FZD10: variants seen among roughly 807,000 people sequenced by gnomAD.
FZD10 encodes frizzled-10.
FZD10 carries 14 observed loss-of-function variants against 24.4 expected under a neutral mutation model. The observed-to-expected ratio is 0.57, with a 90% confidence interval of 0.38 to 0.90. The LOEUF (loss-of-function observed/expected upper bound fraction) is 0.90, where lower values mean the gene tolerates loss of function less well. Among genes scored for constraint, FZD10 ranks in the 40% least tolerant of loss-of-function variants. FZD10 has a pLI of 0.00. For missense variants in FZD10, 775 were observed against 816.6 expected (o/e 0.95, Z 0.62); for synonymous variants, 381 against 349.1 (o/e 1.09, Z -1.02).
Position 130,162,480 on chromosome 12 carries a change from G to A in FZD10, c.-463G>A, listed in dbSNP as rs527276849. 423 of 151,714 alleles carry A rather than the reference G, an allele frequency of 2.8e-3. 2 individuals carry two copies. The highest frequency in any genetic ancestry group is 9.8e-3 in the African/African-American group (405 of 41,414). The allele number at this position is 151,714 out of a possible 1,614,324, so 9.4% of individuals were successfully genotyped here. A position where few individuals can be genotyped will look rare whatever the true frequency, so the allele number is the denominator to read the frequency against. ...TTTGCGAGTCTTCTCATCCCGGGAC[G>A]CAAACCTCGAAACAGCTGCCGGCTG... On this transcript the variant is annotated 5_prime_UTR_variant, in exon 1 of 1. Transcript: ENST00000229030.
rs765214577 is a variant in FZD10 at position 130,163,629 on chromosome 12, C to G, written c.687C>G (p.Val229=). Residue 229 remains valine (V), a synonymous_variant, in exon 1 of 1, where the codon GTC becomes GTG. Transcript: ENST00000229030. Reference sequence around the variant, plus strand: ...GCGAGGACAAGCGCTTCGCAGTGGTCTGGCTGGCCATCTGGGCGGTGCTGT... The same window carrying G: ...GCGAGGACAAGCGCTTCGCAGTGGTGTGGCTGGCCATCTGGGCGGTGCTGT... ...WSREDKRFAV[V]WLAIWAVLCF... The G allele has an allele frequency of 6.4e-5, 103 of 1,612,898 alleles. No individual in the cohort carries two copies. Among genetic ancestry groups the G allele is most frequent in the Non-Finnish European group, 8.5e-5 (100 of 1,180,024 alleles).
At position 130,163,837 on chromosome 12, in the gene FZD10, G is replaced by C. The variant is rs182325743; in HGVS notation, c.895G>C (p.Val299Leu). The C allele has an allele frequency of 2.5e-6, 4 of 1,613,854 alleles. No individual in the cohort carries two copies. The highest frequency in any genetic ancestry group is 3.4e-6 in the Non-Finnish European group (4 of 1,180,052). The change falls in exon 1 of 1, where the codon GTC (valine) becomes CTC (leucine). Residue 299 changes from valine (V) to leucine (L), a missense_variant. Val to Leu is a conservative substitution (Grantham distance 32). Transcript: ENST00000229030. ...ACDRDSGQLY[V>L]IQEGLESTGC... is the part of the protein sequence containing the mutation. ...CGACCGGGACAGCGGCCAGCTCTAT[G>C]TCATCCAGGAGGGACTGGAGAGCAC...
Position 130,163,846 on chromosome 12 carries a change from G to A in FZD10, c.904G>A (p.Glu302Lys). 1.2e-6 allele frequency: 2 copies of A among 1,613,968 alleles called. No individual in the cohort carries two copies. Among genetic ancestry groups the A allele is most frequent in the South Asian group, 2.2e-5 (2 of 91,086 alleles). Residue 302 changes from glutamate (E) to lysine (K), a missense_variant, in exon 1 of 1, where the codon GAG becomes AAG. Transcript: ENST00000229030. The part of the protein sequence containing the change: ...RDSGQLYVIQ[E>K]GLESTGCTLV... Reference sequence around the variant, plus strand: ...CAGCGGCCAGCTCTATGTCATCCAGGAGGGACTGGAGAGCACCGGCTGCAC... The same window carrying A: ...CAGCGGCCAGCTCTATGTCATCCAGAAGGGACTGGAGAGCACCGGCTGCAC...
Position 130,162,962 on chromosome 12 carries a change from G to A in FZD10, c.20G>A (p.Arg7His), listed in dbSNP as rs1047844421. The A allele has an allele frequency of 1.3e-6, 2 of 1,546,458 alleles. No homozygotes were observed. Among genetic ancestry groups the A allele is most frequent in the African/African-American group, 2.7e-5 (2 of 73,328 alleles). The part of the protein sequence containing the change: MQRPGP[R>H]LWLVLQVMGS... Reference sequence around the variant, plus strand: ...GCCAGCATGCAGCGCCCGGGCCCCCGCCTGTGGCTGGTCCTGCAGGTGATG... The same window carrying A: ...GCCAGCATGCAGCGCCCGGGCCCCCACCTGTGGCTGGTCCTGCAGGTGATG... Residue 7 changes from arginine (R) to histidine (H), a missense_variant, in exon 1 of 1, where the codon CGC (arginine) becomes CAC (histidine). Coordinates refer to ENST00000229030, the MANE Select transcript of FZD10 (RefSeq NM_007197.4).
Position 130,163,456 on chromosome 12 carries a change from C to A in FZD10, c.514C>A (p.Gln172Lys). ...CCTGTTCCCGCCGCTGTTCCGGCCG[C>A]AGCGGCCCCACAGCGCGCAGGAGCA... ...SGLFPPLFRP[Q>K]RPHSAQEHPL... The change falls in exon 1 of 1, where the codon CAG (glutamine) becomes AAG (lysine). Residue 172 changes from glutamine (Q) to lysine (K), a missense_variant. By Grantham distance (53) the Gln-to-Lys change is moderately conservative. Coordinates refer to ENST00000229030, the MANE Select transcript of FZD10 (RefSeq NM_007197.4). The A allele has an allele frequency of 6.2e-7, 1 of 1,610,596 alleles. No individual in the cohort carries two copies. Among genetic ancestry groups the A allele is most frequent in the Non-Finnish European group, 8.5e-7 (1 of 1,178,824 alleles).
chr12:130,164,823 C>G lies in FZD10; in HGVS notation c.*135C>G, dbSNP rs1485754709. ...AGAAATACATAAAAAAGTGTTTACCCTGAAATTCAGGATGCTGTGATACAC... is the reference window on the plus strand; with the variant it reads ...AGAAATACATAAAAAAGTGTTTACCGTGAAATTCAGGATGCTGTGATACAC... On this transcript the variant is annotated 3_prime_UTR_variant, in exon 1 of 1. Coordinates refer to ENST00000229030, the MANE Select transcript of FZD10 (RefSeq NM_007197.4). This position sits in a 1 kb window ranked among gnomAD's most constrained non-coding sequence, Gnocchi z 5.3. 1.5e-6 allele frequency: 1 copy of G among 659,262 alleles called. No individual in the cohort carries two copies. Among genetic ancestry groups the G allele is most frequent in the African/African-American group, 1.8e-5 (1 of 54,706 alleles). 40.8% of individuals were successfully genotyped at this position (659,262 alleles called of 1,614,324 possible).
Position 130,164,187 on chromosome 12 carries a change from G to T in FZD10, c.1245G>T (p.Ser415=), listed in dbSNP as rs374589029. 6.2e-7 allele frequency: 1 copy of T among 1,614,096 alleles called. No homozygotes were observed. Among genetic ancestry groups the T allele is most frequent in the East Asian group, 2.2e-5 (1 of 44,860 alleles). The change falls in exon 1 of 1, where the codon TCG becomes TCT. Residue 415 remains serine (S), a synonymous_variant. Transcript: ENST00000229030. The surrounding 1 kb of genome is among the most constrained non-coding windows in gnomAD (Gnocchi z 5.3). ...TCATCGGCACGTCCTTCATCCTCTCGGGCTTCGTGGCCCTGTTCCACATCC... is the reference window on the plus strand; with the variant it reads ...TCATCGGCACGTCCTTCATCCTCTCTGGCTTCGTGGCCCTGTTCCACATCC... ...YLVIGTSFIL[S]GFVALFHIRR...
rs1279682364 is a variant in FZD10 at position 130,165,250 on chromosome 12, A to G, written c.*562A>G. 6.0e-6 allele frequency: 1 copy of G among 167,116 alleles called. No homozygotes were observed. Among genetic ancestry groups the G allele is most frequent in the Non-Finnish European group, 1.5e-5 (1 of 68,146 alleles). 10.4% of individuals were successfully genotyped at this position (167,116 alleles called of 1,614,324 possible). ...CGGCCTTCACCAATAGTCTCTCTGC[A>G]AGACAGAAACCTCCATCAAACCTCA... On this transcript the variant is annotated 3_prime_UTR_variant, in exon 1 of 1. Coordinates refer to ENST00000229030, the MANE Select transcript of FZD10 (RefSeq NM_007197.4).
Position 130,164,166 on chromosome 12 carries a change from C to G in FZD10, c.1224C>G (p.Ile408Met). 2 of 1,614,094 alleles carry G rather than the reference C, an allele frequency of 1.2e-6. No homozygotes were observed. Among genetic ancestry groups the G allele is most frequent in the Non-Finnish European group, 1.7e-6 (2 of 1,180,040 alleles). The stretch of plus-strand genomic sequence containing the variant: ...TTCCCCTGGCCTGCTACCTGGTCAT[C>G]GGCACGTCCTTCATCCTCTCGGGCT... ...VLIPLACYLV[I>M]GTSFILSGFV... The change falls in exon 1 of 1, where the codon ATC becomes ATG. Residue 408 changes from isoleucine to methionine, a missense_variant. Physicochemically the swap from Ile to Met is conservative, Grantham distance 10. Coordinates refer to ENST00000229030, the MANE Select transcript of FZD10 (RefSeq NM_007197.4). The surrounding 1 kb of genome is among the most constrained non-coding windows in gnomAD (Gnocchi z 5.3).
At position 130,164,834 on chromosome 12, in the gene FZD10, G is replaced by GGTAA; in HGVS notation, c.*146_*147insGTAA. On this transcript the variant is annotated 3_prime_UTR_variant, in exon 1 of 1. Transcript: ENST00000229030. This position sits in a 1 kb window ranked among gnomAD's most constrained non-coding sequence, Gnocchi z 5.3. ...AAAAAGTGTTTACCCTGAAATTCAG[G>GGTAA]ATGCTGTGATACACTGAAAGGAAAA... 1.6e-6 allele frequency: 1 copy of GGTAA among 625,592 alleles called. No individual in the cohort carries two copies. The highest frequency in any genetic ancestry group is 2.7e-6 in the Non-Finnish European group (1 of 365,176). 38.8% of individuals were successfully genotyped at this position (625,592 alleles called of 1,614,324 possible).
rs751007002 is a variant in FZD10 at position 130,163,298 on chromosome 12, C to G, written c.356C>G (p.Pro119Arg). 5.6e-6 allele frequency: 9 copies of G among 1,612,988 alleles called. No individual in the cohort carries two copies. The highest frequency in any genetic ancestry group is 6.8e-6 in the Non-Finnish European group (8 of 1,179,946). ...GAGCAGGCCCGGCTCAAGTGCTCCC[C>G]GATTATGGAGCAGTTCAACTTCAAG... is the stretch of plus-strand genomic sequence containing the variant. ...MCEQARLKCS[P>R]IMEQFNFKWP... is the part of the protein sequence containing the mutation. Residue 119 changes from proline to arginine, a missense_variant, in exon 1 of 1, where the codon CCG (proline) becomes CGG (arginine). Coordinates refer to ENST00000229030, the MANE Select transcript of FZD10 (RefSeq NM_007197.4).
Position 130,163,707 on chromosome 12 carries a change from C to T in FZD10, c.765C>T (p.Arg255=). 6.2e-7 allele frequency: 1 copy of T among 1,613,890 alleles called. No individual in the cohort carries two copies. Among genetic ancestry groups the T allele is most frequent in the Non-Finnish European group, 8.5e-7 (1 of 1,180,040 alleles). ...TCACCTTCCTCATCGACCCGGCCCG[C>T]TTCCGCTACCCCGAGCGCCCCATCA... The part of the protein sequence containing the change: ...TVLTFLIDPA[R]FRYPERPIIF... Residue 255 remains arginine (R), a synonymous_variant, in exon 1 of 1, where the codon CGC becomes CGT. Coordinates refer to ENST00000229030, the MANE Select transcript of FZD10 (RefSeq NM_007197.4).
chr12:130,164,158 C>G lies in FZD10; in HGVS notation c.1216C>G (p.Leu406Val). 3 of 1,614,086 alleles carry G rather than the reference C, an allele frequency of 1.9e-6. No individual in the cohort carries two copies. Among genetic ancestry groups the G allele is most frequent in the Non-Finnish European group, 2.5e-6 (3 of 1,180,042 alleles). ...CGTGCTCATTCCCCTGGCCTGCTAC[C>G]TGGTCATCGGCACGTCCTTCATCCT... is the stretch of plus-strand genomic sequence containing the variant. ...GFVLIPLACY[L>V]VIGTSFILSG... is the part of the protein sequence containing the mutation. The change falls in exon 1 of 1, where the codon CTG becomes GTG. Residue 406 changes from leucine (L) to valine (V), a missense_variant. Leu to Val is a conservative substitution (Grantham distance 32). Transcript: ENST00000229030. This position sits in a 1 kb window ranked among gnomAD's most constrained non-coding sequence, Gnocchi z 5.3.
In FZD10 at chr12:130,164,832, A is replaced by G. The variant is rs1023484949; in HGVS notation, c.*144A>G. Reference sequence around the variant, plus strand: ...TAAAAAAGTGTTTACCCTGAAATTCAGGATGCTGTGATACACTGAAAGGAA... The same window carrying G: ...TAAAAAAGTGTTTACCCTGAAATTCGGGATGCTGTGATACACTGAAAGGAA... On this transcript the variant is annotated 3_prime_UTR_variant, in exon 1 of 1. Coordinates refer to ENST00000229030, the MANE Select transcript of FZD10 (RefSeq NM_007197.4). The surrounding 1 kb of genome is among the most constrained non-coding windows in gnomAD (Gnocchi z 5.3). The G allele has an allele frequency of 6.3e-6, 4 of 635,508 alleles. No homozygotes were observed. Among genetic ancestry groups the G allele is most frequent in the African/African-American group, 5.5e-5 (3 of 54,502 alleles). The allele number at this position is 635,508 out of a possible 1,614,324, so 39.4% of individuals were successfully genotyped here. A position where few individuals can be genotyped will look rare whatever the true frequency, so the allele number is the denominator to read the frequency against.
At position 130,163,280 on chromosome 12, in the gene FZD10, C is replaced by G. The variant is rs775442646; in HGVS notation, c.338C>G (p.Ala113Gly). The change falls in exon 1 of 1, where the codon GCC becomes GGC. Residue 113 changes from alanine (A) to glycine (G), a missense_variant. Physicochemically the swap from Ala to Gly is moderately conservative, Grantham distance 60. Transcript: ENST00000229030. Reference protein sequence around the residue: ...IPACRVMCEQARLKCSPIMEQ... With the variant: ...IPACRVMCEQGRLKCSPIMEQ... ...GCCTGCCGGGTCATGTGCGAGCAGG[C>G]CCGGCTCAAGTGCTCCCCGATTATG... 1.2e-6 allele frequency: 2 copies of G among 1,613,080 alleles called. No homozygotes were observed. Among genetic ancestry groups the G allele is most frequent in the Non-Finnish European group, 1.7e-6 (2 of 1,179,972 alleles).
In FZD10 at chr12:130,164,353, T is replaced by C. The variant is rs766680817; in HGVS notation, c.1411T>C (p.Tyr471His). The C allele has an allele frequency of 6.2e-7, 1 of 1,613,994 alleles. No individual in the cohort carries two copies. Among genetic ancestry groups the C allele is most frequent in the African/African-American group, 1.3e-5 (1 of 74,934 alleles). ...CYFYERLNMD[Y>H]WKILAAQHKC... ...CTTTTACGAACGCCTCAACATGGAT[T>C]ACTGGAAGATCCTGGCGGCGCAGCA... is the stretch of plus-strand genomic sequence containing the variant. The change falls in exon 1 of 1, where the codon TAC becomes CAC. Residue 471 changes from tyrosine to histidine, a missense_variant. Physicochemically the swap from Tyr to His is moderately conservative, Grantham distance 83. Transcript: ENST00000229030. The surrounding 1 kb of genome is among the most constrained non-coding windows in gnomAD (Gnocchi z 5.3).
In FZD10 at chr12:130,163,586, T is replaced by C; in HGVS notation, c.644T>C (p.Val215Ala). ...ASCAPLCTPG[V>A]DVYWSREDKR... ...TGCGCGCCGCTCTGCACGCCCGGCG[T>C]GGACGTGTACTGGAGCCGCGAGGAC... The change falls in exon 1 of 1, where the codon GTG (valine) becomes GCG (alanine). Residue 215 changes from valine to alanine, a missense_variant. Coordinates refer to ENST00000229030, the MANE Select transcript of FZD10 (RefSeq NM_007197.4). 6.2e-7 allele frequency: 1 copy of C among 1,609,892 alleles called. No homozygotes were observed. Among genetic ancestry groups the C allele is most frequent in the Non-Finnish European group, 8.5e-7 (1 of 1,177,906 alleles).
Position 130,162,630 on chromosome 12 carries a change from G to A in FZD10, c.-313G>A, listed in dbSNP as rs1209708468. 5.8e-6 allele frequency: 1 copy of A among 172,340 alleles called. No homozygotes were observed. Among genetic ancestry groups the A allele is most frequent in the Non-Finnish European group, 1.2e-5 (1 of 81,410 alleles). The allele number at this position is 172,340 out of a possible 1,614,324, so 10.7% of individuals were successfully genotyped here. ...CAGACGCGCCACCTGGGCGCTCCAA[G>A]AAGAGGCCGAAGTTTGCCGCGGCCG... is the stretch of plus-strand genomic sequence containing the variant. On this transcript the variant is annotated 5_prime_UTR_variant, in exon 1 of 1. Transcript: ENST00000229030.
Position 130,163,062 on chromosome 12 carries a change from G to A in FZD10, c.120G>A (p.Pro40=), listed in dbSNP as rs1037469023. ...GCAAATGCCAGCCCATCGAGATCCC[G>A]ATGTGCAAGGACATCGGCTACAACA... The part of the protein sequence containing the change: ...GDGKCQPIEI[P]MCKDIGYNMT... The change falls in exon 1 of 1, where the codon CCG becomes CCA. Residue 40 remains proline, a synonymous_variant. Transcript: ENST00000229030. 10 of 1,612,750 alleles carry A rather than the reference G, an allele frequency of 6.2e-6. No homozygotes were observed. The African/African-American group carries it at 9.3e-5, about 15-fold the overall frequency.
Sources: gnomAD v4.1 joint callset for allele counts on GRCh38, gnomAD v4.1.1 for gene constraint, Gnocchi (gnomAD v3.1) non-coding constraint, MANE v1.5 for transcripts, NCBI Gene and HGNC (gene_info 2026-07-23, HGNC 2026-07-21) for gene names.